Variants in EPCIP observed in about 807,000 individuals in gnomAD.
EPCIP encodes the protein exosomal polycystin 1 interacting protein.
chr21:32,805,084 G>A, the EPCIP span, among the ~76,000 whole-genome samples: 3 of 152,154 alleles, frequency 2.0e-5, no homozygotes, highest in Admixed American at 6.5e-5. Flanking sequence ...TAGATTATCT[G>A]GGTGGGCCCA....
chr21:32,801,835 C>G, the EPCIP span, among the ~76,000 whole-genome samples: 1 of 151,114 alleles, frequency 6.6e-6, no homozygotes, highest in African/African-American at 2.4e-5. Flanking sequence ...AAGAGTGAAA[C>G]TCATCTCAAA....
At chr21:32,797,695 A>G in the EPCIP span, 2 of 152,246 alleles carry the variant, frequency 1.3e-5, no homozygotes, top group African/African-American at 2.4e-5. Flanking sequence ...ATGAAAAAAC[A>G]TAGTTTACCA....
the EPCIP span, chr21:32,793,789 T>C: frequency 1.2e-6 from 2 of 1,614,196 alleles, no homozygotes; most frequent in South Asian, 2.2e-5. Flanking sequence ...CAACATAGCT[T>C]TTGTTGCTTG....
chr21:32,801,027 G>C, the EPCIP span, among the ~76,000 whole-genome samples: 1 of 152,112 alleles, frequency 6.6e-6, no homozygotes, highest in Non-Finnish European at 1.5e-5. Context: ...CTGAGCTTCT[G>C]GTAGTGAAGT....
At chr21:32,798,530 C>A in the EPCIP span, 1 of 152,274 alleles carries the variant, frequency 6.6e-6, no homozygotes, top group Admixed American at 6.5e-5. Flanking sequence ...AAAACTTCCT[C>A]CCCTAGTTTC....
the EPCIP span, among the ~76,000 whole-genome samples, chr21:32,807,907 T>A: frequency 6.6e-6 from 1 of 152,326 alleles, no homozygotes; most frequent in East Asian, 1.9e-4. Context: ...CTGATTGCCT[T>A]ACAACTTTCC....
chr21:32,793,871 T>C, the EPCIP span: 5 of 1,613,980 alleles, frequency 3.1e-6, no homozygotes, highest in African/African-American at 2.7e-5. Context: ...TTCAATACTA[T>C]ATGATTTTAA....
At chr21:32,809,827 G>C in the EPCIP span, among the ~76,000 whole-genome samples, 1 of 151,810 alleles carries the variant, frequency 6.6e-6, no homozygotes, top group African/African-American at 2.4e-5. Flanking sequence ...TATTATGCTG[G>C]GGGAATAGGT....
At chr21:32,805,080 A>G in the EPCIP span, among the ~76,000 whole-genome samples, 1 of 152,250 alleles carries the variant, frequency 6.6e-6, no homozygotes, top group East Asian at 1.9e-4. Flanking sequence ...ATCCTAGATT[A>G]TCTGGGTGGG....
the EPCIP span, among the ~76,000 whole-genome samples, chr21:32,811,112 C>G: frequency 6.6e-6 from 1 of 151,846 alleles, no homozygotes; most frequent in African/African-American, 2.4e-5. Context: ...TGTAATCCTA[C>G]AGGTAGATAT....
the EPCIP span, among the ~76,000 whole-genome samples, chr21:32,806,665 C>T: frequency 1.3e-5 from 2 of 152,260 alleles, no homozygotes; most frequent in East Asian, 3.9e-4. Flanking sequence ...TAGAAATAGA[C>T]TAAAGTGCTT....
chr21:32,792,551 T>A, the EPCIP span, among the ~76,000 whole-genome samples: 1 of 152,092 alleles, frequency 6.6e-6, no homozygotes, highest in East Asian at 1.9e-4. Flanking sequence ...AGAAAGAAGA[T>A]GAAAATGAGA....
the EPCIP span, among the ~76,000 whole-genome samples, chr21:32,802,382 G>GCTCC: frequency 2.0e-5 from 3 of 152,180 alleles, no homozygotes; most frequent in African/African-American, 7.2e-5. Context: ...TGTGAGGTAA[G>GCTCC]CTCCCTCTTT....
chr21:32,793,045 C>T, the EPCIP span, among the ~76,000 whole-genome samples: 10 of 152,078 alleles, frequency 6.6e-5, no homozygotes, highest in South Asian at 8.3e-4. Context: ...CTGCAACCTC[C>T]GCCTCCCAGG....
At chr21:32,794,010 G>A in the EPCIP span, 1 of 1,614,224 alleles carries the variant, frequency 6.2e-7, no homozygotes, top group Non-Finnish European at 8.5e-7. Context: ...AGTAAGCTCT[G>A]CTCTGGGAAG....
chr21:32,813,501 A>G, the EPCIP span: 1 of 447,836 alleles, frequency 2.2e-6, no homozygotes, highest in East Asian at 7.2e-5. Context: ...CAACCGTCAC[A>G]GTTCCTGCCA....
chr21:32,810,281 A>C, the EPCIP span, among the ~76,000 whole-genome samples: 1 of 105,458 alleles, frequency 9.5e-6, no homozygotes, highest in South Asian at 3.3e-4. Flanking sequence ...TTTGAGACGG[A>C]GTCTCGCTCT....
At chr21:32,812,527 T>A in the EPCIP span, among the ~76,000 whole-genome samples, 1 of 152,216 alleles carries the variant, frequency 6.6e-6, no homozygotes, top group Admixed American at 6.5e-5. Flanking sequence ...AAATACTTTA[T>A]TGAAACTGTT....
At chr21:32,796,006 T>TCCC in the EPCIP span, among the ~76,000 whole-genome samples, 48 of 27,596 alleles carry the variant, frequency 1.7e-3, 1 homozygote, top group South Asian at 0.022. Flanking sequence ...CCTTCCCTCT[T>TCCC]TCCTTCCCTC....
Sources: gnomAD v4.1 joint callset for allele counts (sites outside exome capture counted in the v4.1 genomes callset) on GRCh38, gnomAD v4.1.1 for gene constraint, MANE v1.5 for transcripts, NCBI Gene and HGNC (gene_info 2026-07-23, HGNC 2026-07-21) for gene names.